MOBP: variants seen among roughly 807,000 people sequenced by gnomAD.
MOBP encodes the protein myelin associated oligodendrocyte basic protein, also known as myelin-associated oligodendrocyte basic protein.
MOBP carries 5 observed loss-of-function variants against 15.0 expected under a neutral mutation model. The ratio of observed to expected loss-of-function variants is 0.33; its 90% CI spans 0.17 to 0.70. The LOEUF (loss-of-function observed/expected upper bound fraction) is 0.70, where lower values mean the gene tolerates loss of function less well. Among genes scored for constraint, MOBP ranks in the 30% least tolerant of loss-of-function variants. The pLI, the probability that MOBP is intolerant of heterozygous loss-of-function variation, is 0.67. For missense variants in MOBP, 188 were observed against 257.8 expected (o/e 0.73, Z 1.85); for synonymous variants, 88 against 99.0 (o/e 0.89, Z 0.66).
intron 1 of MOBP, among the ~76,000 whole-genome samples, chr3:39,471,853 T>G (rs929464799): frequency 6.6e-6 from 1 of 152,158 alleles, no homozygotes; most frequent in African/African-American, 2.4e-5. Context: ...GCAACAGGTG[T>G]GTGGAGGCAT....
chr3:39,521,479 T>C (rs2043266038), intron 3 of MOBP, among the ~76,000 whole-genome samples: 1 of 152,172 alleles, frequency 6.6e-6, no homozygotes, highest in Admixed American at 6.5e-5. Context: ...TAACCAACTT[T>C]TGCTCTTCAC....
intron 1 of MOBP, among the ~76,000 whole-genome samples, chr3:39,472,465 T>C (rs1041700907): frequency 6.6e-6 from 1 of 152,238 alleles, no homozygotes; most frequent in African/African-American, 2.4e-5. Flanking sequence ...ACTCAACTAC[T>C]GGGAAAATGT....
At chr3:39,501,955 C>T (rs2042976002) in intron 2 of MOBP, 111 bp from the exon 3 acceptor site, 22 of 892,388 alleles carry the variant, frequency 2.5e-5, no homozygotes, top group Non-Finnish European at 3.5e-5. Flanking sequence ...TAGGGCCCCC[C>T]TGAATGTTAC....
chr3:39,487,983 C>T (rs891686338), intron 2 of MOBP, among the ~76,000 whole-genome samples: 1 of 152,074 alleles, frequency 6.6e-6, no homozygotes, highest in Non-Finnish European at 1.5e-5. Context: ...TTTTTTCTAT[C>T]TATGCACAAT....
At chr3:39,505,670 A>T (rs895348902), downstream of MOBP, among the ~76,000 whole-genome samples, 20 of 152,218 alleles carry the variant, frequency 1.3e-4, no homozygotes, top group African/African-American at 3.6e-4. Flanking sequence ...TTGGAGTGTG[A>T]CAGCCTCTGC....
intron 2 of MOBP, among the ~76,000 whole-genome samples, chr3:39,491,968 C>T (rs1344410847): frequency 6.6e-6 from 1 of 152,120 alleles, no homozygotes; most frequent in Non-Finnish European, 1.5e-5. Flanking sequence ...GTAGTGGGGG[C>T]CCTGCAAGCC....
chr3:39,478,316 TCAGTACAGTTA>T (rs2042570990), intron 1 of MOBP, among the ~76,000 whole-genome samples: 1 of 152,234 alleles, frequency 6.6e-6, no homozygotes, highest in Non-Finnish European at 1.5e-5. Flanking sequence ...CCTACAGTAT[TCAGTACAGTTA>T]CATACTGTGC....
exon 5 of MOBP, chr3:39,513,501 GT>G (rs1399935702): frequency 7.1e-7 from 1 of 1,402,268 alleles, no homozygotes; most frequent in African/African-American, 1.4e-5. Flanking sequence ...CCTGGATGAA[GT>G]TATCTGGCTT....
At chr3:39,490,851 C>T (rs1414258226) in intron 2 of MOBP, among the ~76,000 whole-genome samples, 1 of 151,884 alleles carries the variant, frequency 6.6e-6, no homozygotes, top group Non-Finnish European at 1.5e-5. Context: ...GTGTGAGCCA[C>T]CGTGCCTGGC....
At chr3:39,496,185 TTTTTCTTTTTTTTC>T (rs1475159706) in intron 2 of MOBP, among the ~76,000 whole-genome samples, 2 of 133,858 alleles carry the variant, frequency 1.5e-5, no homozygotes, top group East Asian at 2.1e-4. Context: ...TATTATTTTC[TTTTTCTTTTTTTTC>T]TTTTTTTTTT....
At chr3:39,506,510 C>T (rs2043049936), downstream of MOBP, among the ~76,000 whole-genome samples, 1 of 152,096 alleles carries the variant, frequency 6.6e-6, no homozygotes, top group African/African-American at 2.4e-5. Context: ...CCGTGGGTTC[C>T]TGGGACTTAG....
intron 2 of MOBP, among the ~76,000 whole-genome samples, chr3:39,484,044 C>A (rs138119734): frequency 6.6e-6 from 1 of 152,162 alleles, no homozygotes; most frequent in Non-Finnish European, 1.5e-5. Flanking sequence ...AAAGAGCTCA[C>A]GCTGAGATCA....
chr3:39,493,923 A>G (rs2042837513), intron 2 of MOBP, among the ~76,000 whole-genome samples: 1 of 152,164 alleles, frequency 6.6e-6, no homozygotes, highest in South Asian at 2.1e-4. Context: ...GGGGCTAGGA[A>G]TGACTGGGTT....
At chr3:39,514,025 C>T (rs2043159544) in exon 5 of MOBP, 1 of 152,390 alleles carries the variant, frequency 6.6e-6, no homozygotes, top group African/African-American at 2.4e-5. Context: ...TCCAGAGATG[C>T]AAAGAAATCC....
intron 1 of MOBP, among the ~76,000 whole-genome samples, chr3:39,470,646 A>G (rs967955767): frequency 1.1e-4 from 16 of 152,204 alleles, no homozygotes; most frequent in Non-Finnish European, 2.9e-5. Flanking sequence ...AATAATTTTT[A>G]TTAATGGTAT....
At chr3:39,475,737 T>G (rs1272195655) in intron 1 of MOBP, among the ~76,000 whole-genome samples, 4 of 152,154 alleles carry the variant, frequency 2.6e-5, no homozygotes, top group Non-Finnish European at 4.4e-5. Flanking sequence ...TGTGCCTTTT[T>G]CACATGTTGC....
chr3:39,477,942 T>A (rs556633916), intron 1 of MOBP, among the ~76,000 whole-genome samples: 2 of 152,274 alleles, frequency 1.3e-5, no homozygotes, highest in East Asian at 1.9e-4. Flanking sequence ...GGTTTTAAGC[T>A]AAGTGTTATT....
downstream of MOBP, chr3:39,526,773 C>CTTT (rs5848517): frequency 1.6e-3 from 178 of 108,926 alleles, 4 homozygotes; most frequent in Middle Eastern, 6.2e-3. Context: ...TCCTTCCTTC[C>CTTT]TTTTTTTTTT....
At chr3:39,505,634 T>C (rs562251921), downstream of MOBP, among the ~76,000 whole-genome samples, 7 of 152,228 alleles carry the variant, frequency 4.6e-5, no homozygotes, top group Non-Finnish European at 7.3e-5. Flanking sequence ...CAGAGAGGCT[T>C]CCAGTCCTGG....
Sources: gnomAD v4.1 joint callset for allele counts (sites outside exome capture counted in the v4.1 genomes callset) on GRCh38, gnomAD v4.1.1 for gene constraint, MANE v1.5 for transcripts, NCBI Gene and HGNC (gene_info 2026-07-23, HGNC 2026-07-21) for gene names.